The following ACTR3B variants were observed in gnomAD, a reference collection of about 807,000 sequenced individuals.
ACTR3B encodes the protein actin related protein 3B.
Under a neutral mutation model 59.0 loss-of-function variants are expected in ACTR3B, and 8 were observed. The observed-to-expected ratio is 0.14, with a 90% CI of 0.08 to 0.24. The LOEUF (loss-of-function observed/expected upper bound fraction) is 0.24. ACTR3B is among the 10% of genes least tolerant of loss of function. The probability of loss-of-function intolerance (pLI) is 1.00; values close to 1 mark genes in which losing one functional copy is unlikely to be tolerated. For missense variants in ACTR3B, 245 were observed against 552.3 expected (o/e 0.44, Z 5.58); for synonymous variants, 148 against 197.9 (o/e 0.75, Z 2.12).
At chr7:152,818,967 A>G (rs1345230651) in intron 6 of ACTR3B, among the ~76,000 whole-genome samples, 1 of 152,192 alleles carries the variant, frequency 6.6e-6, no homozygotes, top group Admixed American at 6.5e-5. Flanking sequence ...CTGTTGTTGG[A>G]CATGTATCTT....
intron 4 of ACTR3B, among the ~76,000 whole-genome samples, chr7:152,808,407 A>G (rs907841681): frequency 2.0e-4 from 30 of 150,732 alleles, no homozygotes; most frequent in African/African-American, 7.3e-4. Flanking sequence ...TATGTTGGTA[A>G]AACCCATTTT....
chr7:152,842,593 C>A (rs1372158566), intron 9 of ACTR3B, among the ~76,000 whole-genome samples: 1 of 152,166 alleles, frequency 6.6e-6, no homozygotes, highest in Non-Finnish European at 1.5e-5. Context: ...TTCCTTCACT[C>A]GGTGCTTTTG....
chr7:152,852,572 C>CT (rs1236145872), intron 10 of ACTR3B, among the ~76,000 whole-genome samples: 1 of 152,120 alleles, frequency 6.6e-6, no homozygotes, highest in Non-Finnish European at 1.5e-5. Context: ...GGAGATGGGA[C>CT]TAATTTATGG....
At chr7:152,788,561 C>T (rs1055911459) in intron 2 of ACTR3B, among the ~76,000 whole-genome samples, 7 of 151,644 alleles carry the variant, frequency 4.6e-5, no homozygotes, top group African/African-American at 9.7e-5. Flanking sequence ...TACAGGTGCA[C>T]GCCACCATGC....
chr7:152,852,381 A>G lies in ACTR3B; in HGVS notation c.1077+130A>G, dbSNP rs953473068. On this transcript the variant is annotated intron_variant, in intron 10 of 11. Transcript: ENST00000256001. The stretch of plus-strand genomic sequence containing the variant: ...AAAAACAAGTGTTCATCGCTTTCTG[A>G]GCTGCATTGTGACATGACCATGGAG... 14 of 1,190,924 alleles carry G rather than the reference A, an allele frequency of 1.2e-5. No homozygotes were observed. In the Admixed American group the frequency reaches 3.6e-4, roughly 31 times the overall value. The allele number at this position is 1,190,924 out of a possible 1,614,324, so 73.8% of individuals were successfully genotyped here.
intron 7 of ACTR3B, among the ~76,000 whole-genome samples, chr7:152,822,363 C>T (rs116257333): frequency 0.012 from 1,794 of 152,322 alleles, 30 homozygotes; most frequent in African/African-American, 0.04. Context: ...TGGGGGTCAC[C>T]TGCTGCTATG....
At chr7:152,821,768 G>A (rs1344739611) in intron 7 of ACTR3B, among the ~76,000 whole-genome samples, 1 of 152,238 alleles carries the variant, frequency 6.6e-6, no homozygotes, top group South Asian at 2.1e-4. Context: ...GTGTGGGGTA[G>A]CCCTGTTAGT....
chr7:152,802,279 A>G (rs2689440), intron 4 of ACTR3B, among the ~76,000 whole-genome samples: 121,878 of 150,676 alleles, frequency 0.81, 49,636 homozygotes, highest in African/African-American at 0.89. Flanking sequence ...TCTGGACCCT[A>G]GAGGAGGGTA....
At chr7:152,842,767 G>A (rs1448705265) in intron 9 of ACTR3B, among the ~76,000 whole-genome samples, 4 of 152,188 alleles carry the variant, frequency 2.6e-5, no homozygotes, top group African/African-American at 9.7e-5. Context: ...GTGTCTGCTG[G>A]ATATGTTTTA....
At chr7:152,799,561 T>TA (rs11430919) in intron 2 of ACTR3B, among the ~76,000 whole-genome samples, 22,053 of 152,208 alleles carry the variant, frequency 0.14, 2,316 homozygotes, top group African/African-American at 0.3. Flanking sequence ...GAGAGACAGT[T>TA]AAAGATGGGG....
intron 4 of ACTR3B, among the ~76,000 whole-genome samples, chr7:152,802,964 G>A (rs1471422292): frequency 6.6e-6 from 1 of 152,152 alleles, no homozygotes; most frequent in Non-Finnish European, 1.5e-5. Context: ...AGCTGAAATT[G>A]CCAAGTATGG....
chr7:152,778,207 C>CT (rs2098141079), intron 1 of ACTR3B, among the ~76,000 whole-genome samples: 1 of 145,030 alleles, frequency 6.9e-6, no homozygotes, highest in Admixed American at 6.8e-5. Flanking sequence ...AAGTTTTTTA[C>CT]TTTCCTGGAT....
At chr7:152,770,395 T>C (rs1590201102) in intron 1 of ACTR3B, among the ~76,000 whole-genome samples, 2 of 152,198 alleles carry the variant, frequency 1.3e-5, no homozygotes, top group African/African-American at 4.8e-5. Flanking sequence ...AATAGACCAT[T>C]GCCAAAGAAG....
At chr7:152,775,791 T>C (rs2098135054) in intron 1 of ACTR3B, among the ~76,000 whole-genome samples, 1 of 151,356 alleles carries the variant, frequency 6.6e-6, no homozygotes, top group Non-Finnish European at 1.5e-5. Flanking sequence ...CAAATAATAA[T>C]ATATTGTATG....
intron 2 of ACTR3B, among the ~76,000 whole-genome samples, chr7:152,790,270 G>A (rs1298737790): frequency 6.6e-6 from 1 of 152,210 alleles, no homozygotes; most frequent in Non-Finnish European, 1.5e-5. Context: ...TGAAATTATA[G>A]GTGTGAGCCA....
intron 4 of ACTR3B, among the ~76,000 whole-genome samples, chr7:152,810,213 TCTG>T (rs1795097840): frequency 6.6e-6 from 1 of 152,070 alleles, no homozygotes; most frequent in African/African-American, 2.4e-5. Flanking sequence ...TTTAAGCAAT[TCTG>T]CTGCCTCAGC....
chr7:152,768,617 C>T (rs548889435), intron 1 of ACTR3B, among the ~76,000 whole-genome samples: 2 of 152,020 alleles, frequency 1.3e-5, no homozygotes, highest in Non-Finnish European at 2.9e-5. Context: ...GCTGCAATTA[C>T]AGGCGCCCGC....
intron 9 of ACTR3B, among the ~76,000 whole-genome samples, chr7:152,849,796 G>C (rs993764099): frequency 6.6e-6 from 1 of 152,268 alleles, no homozygotes; most frequent in African/African-American, 2.4e-5. Context: ...GCTGCTGGCA[G>C]GTAATCAGAG....
intron 9 of ACTR3B, among the ~76,000 whole-genome samples, chr7:152,830,607 G>T (rs1590395980): frequency 6.6e-6 from 1 of 152,210 alleles, no homozygotes; most frequent in Non-Finnish European, 1.5e-5. Flanking sequence ...GAAGTGCGGT[G>T]GTGTGATCAC....
Sources: gnomAD v4.1 joint callset for allele counts (sites outside exome capture counted in the v4.1 genomes callset) on GRCh38, gnomAD v4.1.1 for gene constraint, MANE v1.5 for transcripts, NCBI Gene and HGNC (gene_info 2026-07-23, HGNC 2026-07-21) for gene names.